L3MBTL4: variants seen among roughly 807,000 people sequenced by gnomAD.
L3MBTL4 encodes lethal(3)malignant brain tumor-like protein 4.
In L3MBTL4, 70 loss-of-function variants were observed where a neutral mutation model predicts 84.5. The ratio of observed to expected loss-of-function variants is 0.83; its 90% CI spans 0.68 to 1.01. The LOEUF (loss-of-function observed/expected upper bound fraction) is 1.01. Among genes scored for constraint, L3MBTL4 ranks in the 50% least tolerant of loss-of-function variants. The pLI is 0.00. For missense variants in L3MBTL4, 715 were observed against 754.8 expected (o/e 0.95, Z 0.62); for synonymous variants, 274 against 259.8 (o/e 1.05, Z -0.52).
intron 16 of L3MBTL4, among the ~76,000 whole-genome samples, chr18:6,072,124 G>C (rs541048918): frequency 6.6e-6 from 1 of 152,260 alleles, no homozygotes; most frequent in African/African-American, 2.4e-5. Context: ...ATATTCTAAT[G>C]TTCTAATTTT....
intron 14 of L3MBTL4, among the ~76,000 whole-genome samples, chr18:6,137,823 G>A (rs1450651216): frequency 5.3e-5 from 8 of 152,042 alleles, no homozygotes; most frequent in Admixed American, 5.2e-4. Flanking sequence ...GACAGAAAAA[G>A]AAATAGAGGC....
intron 10 of L3MBTL4, among the ~76,000 whole-genome samples, chr18:6,225,461 A>C (rs1227630397): frequency 6.6e-6 from 1 of 152,184 alleles, no homozygotes; most frequent in East Asian, 1.9e-4. Flanking sequence ...AAGGAAAATA[A>C]AAAATACATT....
chr18:6,161,934 T>C (rs538420146), intron 13 of L3MBTL4, among the ~76,000 whole-genome samples: 1 of 149,766 alleles, frequency 6.7e-6, no homozygotes, highest in Admixed American at 6.7e-5. Flanking sequence ...ATATATAAAA[T>C]ATATATATAT....
At chr18:6,184,407 T>C (rs1368315963) in intron 12 of L3MBTL4, among the ~76,000 whole-genome samples, 1 of 152,192 alleles carries the variant, frequency 6.6e-6, no homozygotes, top group East Asian at 1.9e-4. Context: ...AATAAATGAA[T>C]GTATAAATCC....
At chr18:6,011,611 G>A (rs1315387443) in intron 16 of L3MBTL4, among the ~76,000 whole-genome samples, 1 of 152,132 alleles carries the variant, frequency 6.6e-6, no homozygotes, top group Non-Finnish European at 1.5e-5. Flanking sequence ...CCCACCCCAA[G>A]GTGTTGCCAG....
At chr18:6,045,221 G>A (rs575626720) in intron 16 of L3MBTL4, among the ~76,000 whole-genome samples, 9 of 152,278 alleles carry the variant, frequency 5.9e-5, no homozygotes, top group Non-Finnish European at 1.3e-4. Flanking sequence ...AGGGATTGGG[G>A]GCCTACTTTC....
At chr18:6,307,030 C>T (rs1365600069) in intron 3 of L3MBTL4, among the ~76,000 whole-genome samples, 1 of 152,140 alleles carries the variant, frequency 6.6e-6, no homozygotes, top group Non-Finnish European at 1.5e-5. Context: ...CTCTTCCAAC[C>T]CCATACCTTT....
chr18:6,344,262 T>C (rs900779417), intron 1 of L3MBTL4, among the ~76,000 whole-genome samples: 1 of 152,138 alleles, frequency 6.6e-6, no homozygotes, highest in African/African-American at 2.4e-5. Flanking sequence ...AACACTACTA[T>C]GAACAATTAT....
chr18:6,079,841 T>C (rs936938652), intron 16 of L3MBTL4: 4 of 152,212 alleles, frequency 2.6e-5, no homozygotes, highest in Non-Finnish European at 5.9e-5. Context: ...AAAGCAGACT[T>C]GAGCTCTGGT....
rs192464165 is a variant in L3MBTL4, at chr18:6,036,491, T to C, written c.1444+44390A>G. On this transcript the variant is annotated intron_variant, in intron 16 of 18. Coordinates refer to ENST00000317931, the MANE Select transcript of L3MBTL4 (RefSeq NM_001330559.2). ...TTTAGGTTTTCTATTTCTCTATTGA[T>C]ATTTCCATTTTGTTAATACATTGTT... Among the ~76,000 whole-genome samples, 222 of 152,308 alleles carry C rather than the reference T, an allele frequency of 1.5e-3. 3 individuals carry two copies. Among genetic ancestry groups the C allele is most frequent in the Admixed American group, 0.011 (165 of 15,298 alleles).
At chr18:6,371,869 G>A (rs953691937) in intron 1 of L3MBTL4, among the ~76,000 whole-genome samples, 3 of 152,122 alleles carry the variant, frequency 2.0e-5, no homozygotes, top group Admixed American at 1.3e-4. Flanking sequence ...TCACCATAAA[G>A]ACATACATGA....
intron 13 of L3MBTL4, among the ~76,000 whole-genome samples, chr18:6,141,261 A>G (rs2060186545): frequency 6.6e-6 from 1 of 151,976 alleles, no homozygotes; most frequent in Non-Finnish European, 1.5e-5. Flanking sequence ...ATTCTTTTGT[A>G]ATCTCCTTTG....
intron 16 of L3MBTL4, among the ~76,000 whole-genome samples, chr18:6,017,173 C>A (rs2055028589): frequency 1.3e-5 from 2 of 152,226 alleles, no homozygotes; most frequent in Non-Finnish European, 2.9e-5. Context: ...CATTCAGCAT[C>A]TCCAGCAGAG....
At chr18:6,293,589 C>T (rs540049093) in intron 4 of L3MBTL4, among the ~76,000 whole-genome samples, 1 of 151,828 alleles carries the variant, frequency 6.6e-6, no homozygotes, top group South Asian at 2.1e-4. Context: ...CCCTATAAAA[C>T]ACTTACTAAT....
chr18:6,077,899 T>C (rs2057915251), intron 16 of L3MBTL4, among the ~76,000 whole-genome samples: 1 of 151,754 alleles, frequency 6.6e-6, no homozygotes, highest in African/African-American at 2.4e-5. Context: ...CATGGTGGCG[T>C]GCACCTGTAG....
chr18:6,154,551 T>C (rs953468534), intron 13 of L3MBTL4, among the ~76,000 whole-genome samples: 5 of 152,160 alleles, frequency 3.3e-5, no homozygotes, highest in Non-Finnish European at 5.9e-5. Context: ...GTTCCTCCAG[T>C]GTGAGCAGTC....
chr18:6,095,209 C>T lies in L3MBTL4; in HGVS notation c.1200-1681G>A, dbSNP rs148958197. On this transcript the variant is annotated intron_variant, in intron 14 of 18. Coordinates refer to ENST00000317931, the MANE Select transcript of L3MBTL4 (RefSeq NM_001330559.2). ...TTGACTGAATACCCAAAGGTATTAGCGTATTTATTTTACTGGTAAGACAAC... is the reference window on the plus strand; with the variant it reads ...TTGACTGAATACCCAAAGGTATTAGTGTATTTATTTTACTGGTAAGACAAC... 2.8e-3 allele frequency among the ~76,000 whole-genome samples: 428 copies of T among 152,198 alleles called. 3 individuals are homozygous for T. Among genetic ancestry groups the T allele is most frequent in the African/African-American group, 9.9e-3 (409 of 41,520 alleles).
At chr18:6,170,687 G>A (rs900970808) in intron 13 of L3MBTL4, among the ~76,000 whole-genome samples, 1 of 152,046 alleles carries the variant, frequency 6.6e-6, no homozygotes, top group South Asian at 2.1e-4. Flanking sequence ...AGCGGAAATC[G>A]TTCGTACTTG....
chr18:6,273,652 G>C (rs2146499883), intron 4 of L3MBTL4, among the ~76,000 whole-genome samples: 1 of 152,362 alleles, frequency 6.6e-6, no homozygotes, highest in South Asian at 2.1e-4. Flanking sequence ...TGGCCAAGTG[G>C]CTGAGAGGCT....
Sources: gnomAD v4.1 joint callset for allele counts (sites outside exome capture counted in the v4.1 genomes callset) on GRCh38, gnomAD v4.1.1 for gene constraint, MANE v1.5 for transcripts, NCBI Gene and HGNC (gene_info 2026-07-23, HGNC 2026-07-21) for gene names.